The following WDFY3 variants were observed in gnomAD, a reference collection of about 807,000 sequenced individuals.
The protein encoded by WDFY3 is WD repeat and FYVE domain containing 3, also known as WD repeat and FYVE domain-containing protein 3.
Under a neutral mutation model 409.6 loss-of-function variants are expected in WDFY3, and 66 were observed. The ratio of observed to expected loss-of-function variants is 0.16; its 90% CI spans 0.13 to 0.20. WDFY3 has a LOEUF of 0.20. WDFY3 is among the 10% of genes least tolerant of loss of function. The pLI, the probability that WDFY3 is intolerant of heterozygous loss-of-function variation, is 1.00. For synonymous variants in WDFY3, 1,521 were observed against 1,537.1 expected (o/e 0.99, Z 0.25); for missense variants, 3,031 against 4,298.1 (o/e 0.71, Z 8.24).
chr4:84,835,121 T>C (rs1756387986), intron 7 of WDFY3, among the ~76,000 whole-genome samples: 1 of 152,234 alleles, frequency 6.6e-6, no homozygotes, highest in Non-Finnish European at 1.5e-5. Context: ...GACTTCAGTA[T>C]GCTAAAGTGA....
At chr4:84,806,337 A>G (rs1751500430) in intron 15 of WDFY3, among the ~76,000 whole-genome samples, 1 of 152,194 alleles carries the variant, frequency 6.6e-6, no homozygotes, top group African/African-American at 2.4e-5. Context: ...TCATCTTAGT[A>G]TTAGCATGAA....
At chr4:84,719,061 G>A (rs1578240600) in intron 47 of WDFY3, among the ~76,000 whole-genome samples, 1 of 152,168 alleles carries the variant, frequency 6.6e-6, no homozygotes, top group Non-Finnish European at 1.5e-5. Context: ...TAATTTCTCT[G>A]AGCCTCCATG....
At chr4:84,733,756 G>T in intron 43 of WDFY3, 147 bp from the exon 44 acceptor site, 2 of 809,854 alleles carry the variant, frequency 2.5e-6, no homozygotes, top group Non-Finnish European at 3.8e-6. Flanking sequence ...AATTACATTT[G>T]TTTATGGTTA....
At chr4:84,847,382 T>TTA (rs1420589720) in intron 5 of WDFY3, among the ~76,000 whole-genome samples, 2 of 151,926 alleles carry the variant, frequency 1.3e-5, no homozygotes, top group Non-Finnish European at 2.9e-5. Flanking sequence ...TTCTCTAACA[T>TTA]AAGAGACAAA....
At chr4:84,735,159 AT>A (rs1737224908) in intron 42 of WDFY3, 39 bp from the exon 43 acceptor site, 1 of 1,560,286 alleles carries the variant, frequency 6.4e-7, no homozygotes, top group Non-Finnish European at 8.7e-7. Context: ...TATTTCATGG[AT>A]TTCTGGAAAA....
chr4:84,860,212 C>T (rs1052015716), intron 4 of WDFY3, among the ~76,000 whole-genome samples, 200 bp downstream of exon 4: 1 of 152,198 alleles, frequency 6.6e-6, no homozygotes, highest in Non-Finnish European at 1.5e-5. Context: ...AAAAGTCTCA[C>T]TAAATGTAGT....
At chr4:84,686,102 G>A (rs1433990758) in intron 62 of WDFY3, among the ~76,000 whole-genome samples, 1 of 152,084 alleles carries the variant, frequency 6.6e-6, no homozygotes, top group Non-Finnish European at 1.5e-5. Flanking sequence ...TCAGGAGATC[G>A]AAACCATCTT....
chr4:84,901,904 A>G (rs1335960626), intron 2 of WDFY3, among the ~76,000 whole-genome samples: 1 of 152,214 alleles, frequency 6.6e-6, no homozygotes, highest in Non-Finnish European at 1.5e-5. Context: ...GGGTGAATAT[A>G]AAGTCCTGAA....
intron 24 of WDFY3, among the ~76,000 whole-genome samples, chr4:84,784,864 A>G (rs1283853562): frequency 0.022 from 1,263 of 57,160 alleles, 14 homozygotes; most frequent in Non-Finnish European, 0.03. Flanking sequence ...ATATGTATAT[A>G]TATATATATA....
At position 84,688,240 on chromosome 4, in the gene WDFY3, A is replaced by G. The variant is rs1466996502; in HGVS notation, c.9389T>C (p.Val3130Ala). 2.5e-6 allele frequency: 4 copies of G among 1,614,088 alleles called. No homozygotes were observed. The highest frequency in any genetic ancestry group is 2.5e-6 in the Non-Finnish European group (3 of 1,180,006). ...GGCTAATGATGCTGTGGCGCAGGTG[A>G]CGGTATCAGTGTGGCCCAGTAAGGC... is the stretch of plus-strand genomic sequence containing the variant. ...KQALLGHTDT[V>A]TCATASLAYH... The change falls in exon 62 of 68, where the codon GTC becomes GCC. Residue 3130 changes from valine to alanine, a missense_variant. Around this residue, in one of 16 missense-constraint regions of WDFY3, gnomAD observed 152 missense variants for 193.5 expected, o/e 0.79. Transcript: ENST00000295888.
intron 11 of WDFY3, 45 bp from the exon 12 acceptor site, chr4:84,820,231 A>C (rs1463899663): frequency 6.8e-7 from 1 of 1,466,844 alleles, no homozygotes; most frequent in Non-Finnish European, 9.3e-7. Flanking sequence ...TGATAAGCTT[A>C]TTTTTTCTTG....
chr4:84,900,278 T>C lies in WDFY3; in HGVS notation c.-131-3268A>G, dbSNP rs576342839. Among the ~76,000 whole-genome samples the C allele has an allele frequency of 1.4e-4, 21 of 151,964 alleles. No individual in the cohort carries two copies. The South Asian group carries it at 3.7e-3, about 27-fold the overall frequency. ...TCTTGCTCAATCTCCCAGGCTGGAG[T>C]TCAGTGGTACAATCATAGCTCACTG... On this transcript the variant is annotated intron_variant, in intron 2 of 67. Transcript: ENST00000295888.
In WDFY3 at chr4:84,930,751, C is replaced by G. The variant is rs374202091; in HGVS notation, c.-132+1519G>C. ...GATGAAAGGATATACAAACTGTGGA[C>G]TATCCAAACAATGAAATACTACCCA... On this transcript the variant is annotated intron_variant, in intron 2 of 67. Coordinates refer to ENST00000295888, the MANE Select transcript of WDFY3 (RefSeq NM_014991.6). 7.9e-5 allele frequency among the ~76,000 whole-genome samples: 12 copies of G among 152,280 alleles called. No individual in the cohort carries two copies. In the East Asian group the frequency reaches 1.5e-3, roughly 20 times the overall value.
intron 36 of WDFY3, among the ~76,000 whole-genome samples, chr4:84,744,744 T>C (rs1739082036): frequency 6.8e-6 from 1 of 146,420 alleles, no homozygotes; most frequent in African/African-American, 2.5e-5. Flanking sequence ...TCCCAGCTAC[T>C]TGGGAGGCTG....
chr4:84,832,668 T>C (rs1755917849), intron 7 of WDFY3, among the ~76,000 whole-genome samples: 1 of 152,186 alleles, frequency 6.6e-6, no homozygotes, highest in Non-Finnish European at 1.5e-5. Flanking sequence ...CGTAAGAGTG[T>C]ATGTAAGTAA....
chr4:84,737,773 C>G (rs1355958192), intron 40 of WDFY3, among the ~76,000 whole-genome samples: 1 of 152,130 alleles, frequency 6.6e-6, no homozygotes, highest in Non-Finnish European at 1.5e-5. Flanking sequence ...TTTGAAAAGA[C>G]TTTTACTATG....
intron 1 of WDFY3, among the ~76,000 whole-genome samples, chr4:84,947,630 G>A (rs958113392): frequency 2.0e-5 from 3 of 148,294 alleles, no homozygotes; most frequent in Non-Finnish European, 4.4e-5. Flanking sequence ...AGCACTTTGG[G>A]AAGCCAAGGC....
intron 28 of WDFY3, 25 bp from the exon 29 acceptor site, chr4:84,775,006 C>T (rs1560727072): frequency 4.3e-6 from 7 of 1,613,510 alleles, no homozygotes; most frequent in Non-Finnish European, 5.9e-6. Context: ...AGATTTTATA[C>T]ACTGTACTAT....
chr4:84,794,967 CA>C lies in WDFY3; in HGVS notation c.3179del (p.Leu1060CysfsTer41). On this transcript the variant is annotated frameshift_variant, in exon 20 of 68. Coordinates refer to ENST00000295888, the MANE Select transcript of WDFY3 (RefSeq NM_014991.6). LOFTEE classifies it high-confidence loss of function. ...TSLEGFGCLF[L>X]PSLAPHNAPT... Reference sequence around the variant, plus strand: ...GAGCATTATGAGGGGCCAAACTGGGCAAAAAAAGACATCTATTAAAGAAAAG... The same window carrying C: ...GAGCATTATGAGGGGCCAAACTGGGCAAAAAAGACATCTATTAAAGAAAAG... 3.9e-6 allele frequency: 6 copies of C among 1,546,944 alleles called. No homozygotes were observed. Among genetic ancestry groups the C allele is most frequent in the Middle Eastern group, 1.7e-4 (1 of 5,752 alleles).
Sources: gnomAD v4.1 joint callset for allele counts (sites outside exome capture counted in the v4.1 genomes callset) on GRCh38, gnomAD v4.1.1 for gene constraint, gnomAD v4.1.1 regional missense constraint, MANE v1.5 for transcripts, NCBI Gene and HGNC (gene_info 2026-07-23, HGNC 2026-07-21) for gene names.